Variants in VPS53 observed in about 807,000 individuals in gnomAD.
VPS53 encodes the protein vacuolar protein sorting-associated protein 53 homolog.
VPS53 carries 70 observed loss-of-function variants against 107.0 expected under a neutral mutation model. That is an observed-to-expected ratio of 0.65 (90% CI 0.54 to 0.80). The LOEUF (loss-of-function observed/expected upper bound fraction) is 0.80. VPS53 is among the 30% of genes least tolerant of loss of function. VPS53 has a pLI of 0.00. For synonymous variants in VPS53, 409 were observed against 393.3 expected (o/e 1.04, Z -0.47); for missense variants, 917 against 1,049.4 (o/e 0.87, Z 1.74).
At chr17:690,844 AAG>A (rs1445535739) in intron 4 of VPS53, among the ~76,000 whole-genome samples, 1 of 152,258 alleles carries the variant, frequency 6.6e-6, no homozygotes, top group Non-Finnish European at 1.5e-5. Flanking sequence ...TTAAGTTTTG[AAG>A]AGTCACAGAC....
chr17:573,109 T>A (rs1328365461), intron 13 of VPS53, among the ~76,000 whole-genome samples: 1 of 152,112 alleles, frequency 6.6e-6, no homozygotes, highest in Non-Finnish European at 1.5e-5. Context: ...AAAGCATGAG[T>A]TCTAGTCTAA....
In VPS53 at chr17:679,279, G is replaced by A. The variant is rs140434510; in HGVS notation, c.286-17384C>T. On this transcript the variant is annotated intron_variant, in intron 4 of 21. Coordinates refer to ENST00000437048, the MANE Select transcript of VPS53 (RefSeq NM_001128159.3). ...ACCTGTCATCCCAGCACATTGGGAG[G>A]CCGAGGCGCGCAGATCACGAGGTCA... 2.2e-3 allele frequency among the ~76,000 whole-genome samples: 333 copies of A among 152,130 alleles called. 9 individuals are homozygous for A. The East Asian group carries it at 0.055, about 25-fold the overall frequency.
chr17:659,099 A>G (rs1272165723), intron 5 of VPS53, among the ~76,000 whole-genome samples: 2 of 152,116 alleles, frequency 1.3e-5, no homozygotes, highest in African/African-American at 4.8e-5. Flanking sequence ...TTGGGGCAAA[A>G]AAAATAAAAA....
In VPS53 at chr17:714,611, C is replaced by A; in HGVS notation, c.87+12G>T. On this transcript the variant is annotated intron_variant, in intron 1 of 21. Transcript: ENST00000437048. ...CACTCCCGTTTCCCCTCCTGAGGGG[C>A]GGAACGCTTACCTGCTCGATGGCCA... 1 of 1,606,736 alleles carries A rather than the reference C, an allele frequency of 6.2e-7. No individual in the cohort carries two copies. Among genetic ancestry groups the A allele is most frequent in the Non-Finnish European group, 8.5e-7 (1 of 1,176,282 alleles).
chr17:712,614 AAAGT>A lies in VPS53; in HGVS notation c.87+2005_88-2002del, dbSNP rs1262310104. Among the ~76,000 whole-genome samples the A allele has an allele frequency of 1.4e-4, 21 of 152,350 alleles. No individual in the cohort carries two copies. In the East Asian group the frequency reaches 3.9e-3, roughly 28 times the overall value. ...ACTACAGAATTTCATTCAGAGTGCT[AAAGT>A]AAGAAAAAATTCTGAATTCATCTTG... On this transcript the variant is annotated intron_variant, in intron 1 of 21. Transcript: ENST00000437048.
At chr17:654,822 C>T (rs1465817370) in intron 6 of VPS53, among the ~76,000 whole-genome samples, 1 of 151,888 alleles carries the variant, frequency 6.6e-6, no homozygotes, top group African/African-American at 2.4e-5. Context: ...CTGGTTTTAC[C>T]ACCGCCTGGT....
chr17:656,714 G>GTGTGTGTGTGTGT, intron 5 of VPS53: 1 of 671,468 alleles, frequency 1.5e-6, no homozygotes, highest in Non-Finnish European at 2.7e-6. Flanking sequence ...GTGTGTGTGT[G>GTGTGTGTGTGTGT]TGTGTGTGTG....
intron 15 of VPS53, among the ~76,000 whole-genome samples, chr17:558,338 G>A (rs1020337977): frequency 9.9e-5 from 15 of 152,090 alleles, no homozygotes; most frequent in African/African-American, 3.6e-4. Flanking sequence ...GTGGTAGCGG[G>A]TGCCTGTAGT....
At chr17:658,968 CT>C in intron 5 of VPS53, among the ~76,000 whole-genome samples, 1 of 152,100 alleles carries the variant, frequency 6.6e-6, no homozygotes, top group Admixed American at 6.5e-5. Flanking sequence ...TAAAAAGCCT[CT>C]TTCATGGGGA....
At chr17:584,162 A>T (rs1967196157) in intron 13 of VPS53, among the ~76,000 whole-genome samples, 1 of 152,188 alleles carries the variant, frequency 6.6e-6, no homozygotes, top group Non-Finnish European at 1.5e-5. Context: ...CATGGGAGCC[A>T]CCTTCTGGTC....
chr17:620,739 C>T (rs1184546034), intron 11 of VPS53, among the ~76,000 whole-genome samples: 3 of 150,056 alleles, frequency 2.0e-5, no homozygotes, highest in Non-Finnish European at 3.0e-5. Context: ...TGCAGTGGCG[C>T]AACCTTGGCA....
intron 1 of VPS53, chr17:714,141 C>T (rs1453779167): frequency 6.4e-6 from 1 of 155,348 alleles, no homozygotes; most frequent in Non-Finnish European, 1.4e-5. Context: ...GAATTCTCAA[C>T]CTTTTAAGAA....
intron 7 of VPS53, among the ~76,000 whole-genome samples, chr17:650,386 A>G (rs922098737): frequency 6.6e-6 from 1 of 151,972 alleles, no homozygotes; most frequent in Non-Finnish European, 1.5e-5. Context: ...ATTCCTGGCT[A>G]CTCAGGAGGT....
In VPS53 at chr17:531,952, T is replaced by TG. The variant is rs1362072301; in HGVS notation, c.2085+889_2085+890insC. The TG allele has an allele frequency of 1.1e-3, 159 of 143,890 alleles. 1 individual carries two copies. The highest frequency in any genetic ancestry group is 0.01 in the Middle Eastern group (3 of 292). The allele number at this position is 143,890 out of a possible 1,614,324, so 8.9% of individuals were successfully genotyped here. A position where few individuals can be genotyped will look rare whatever the true frequency, so the allele number is the denominator to read the frequency against. On this transcript the variant is annotated intron_variant, in intron 19 of 21. Coordinates refer to ENST00000437048, the MANE Select transcript of VPS53 (RefSeq NM_001128159.3). ...CACCACGCCTGGCTAATTGTTTTTTTTTTTTTTTTTTTTTTGAGATGGAGT... is the reference window on the plus strand; with the variant it reads ...CACCACGCCTGGCTAATTGTTTTTTTGTTTTTTTTTTTTTTTGAGATGGAGT...
intron 4 of VPS53, among the ~76,000 whole-genome samples, chr17:693,785 T>A (rs946562409): frequency 6.9e-6 from 1 of 145,648 alleles, no homozygotes; most frequent in Non-Finnish European, 1.5e-5. Flanking sequence ...TTAAACACAA[T>A]CAAGATTAAA....
At chr17:611,222 C>CG (rs1365322614) in intron 11 of VPS53, among the ~76,000 whole-genome samples, 1 of 152,112 alleles carries the variant, frequency 6.6e-6, no homozygotes, top group Non-Finnish European at 1.5e-5. Flanking sequence ...CCATGTTGGC[C>CG]AGGCTGGTCT....
chr17:554,925 C>A (rs1912198805), intron 15 of VPS53, among the ~76,000 whole-genome samples: 2 of 152,156 alleles, frequency 1.3e-5, no homozygotes. Context: ...TTGCAGCATT[C>A]ATTAATTCAA....
At chr17:594,547 TGG>T (rs1967856600) in intron 12 of VPS53, among the ~76,000 whole-genome samples, 1 of 145,062 alleles carries the variant, frequency 6.9e-6, no homozygotes, top group East Asian at 2.1e-4. Context: ...TGGAGGAAGC[TGG>T]GAGATGGGAA....
intron 19 of VPS53, among the ~76,000 whole-genome samples, chr17:528,995 G>A (rs1418894077): frequency 2.6e-5 from 4 of 152,042 alleles, no homozygotes; most frequent in Admixed American, 6.6e-5. Flanking sequence ...TGGCTGTACC[G>A]TTTTGCATTA....
Sources: allele counts gnomAD v4.1 joint callset (sites outside exome capture counted in the v4.1 genomes callset), GRCh38; gene constraint gnomAD v4.1.1; transcripts MANE v1.5; gene names NCBI Gene and HGNC (gene_info 2026-07-23, HGNC 2026-07-21).